Variants in MAN1A2 observed in about 807,000 individuals in gnomAD.
MAN1A2 encodes mannosyl-oligosaccharide 1,2-alpha-mannosidase IB.
A neutral mutation model predicts 75.7 loss-of-function variants in MAN1A2; 26 were observed. That is an observed-to-expected ratio of 0.34 (90% CI 0.25 to 0.48). The LOEUF is 0.48. Among genes scored for constraint, MAN1A2 ranks in the 20% least tolerant of loss-of-function variants. The pLI is 0.99. For missense variants in MAN1A2, 562 were observed against 775.5 expected (o/e 0.72, Z 3.27); for synonymous variants, 247 against 264.6 (o/e 0.93, Z 0.65).
At chr1:117,375,975 G>T (rs1189413382) in intron 1 of MAN1A2, among the ~76,000 whole-genome samples, 1 of 150,194 alleles carries the variant, frequency 6.7e-6, no homozygotes, top group Non-Finnish European at 1.5e-5. Flanking sequence ...GCAGTGGCGC[G>T]ATCTCGGCTC....
At chr1:117,446,944 A>C (rs1649253593) in intron 6 of MAN1A2, among the ~76,000 whole-genome samples, 1 of 152,106 alleles carries the variant, frequency 6.6e-6, no homozygotes, top group Non-Finnish European at 1.5e-5. Context: ...CATTTTGACG[A>C]AGCTTTACTC....
At chr1:117,492,787 A>G (rs948153992) in intron 8 of MAN1A2, among the ~76,000 whole-genome samples, 1 of 152,066 alleles carries the variant, frequency 6.6e-6, no homozygotes, top group African/African-American at 2.4e-5. Flanking sequence ...TTGAGCTTTC[A>G]TATTTAGACA....
At position 117,375,718 on chromosome 1, in the gene MAN1A2, G is replaced by A. The variant is rs61809511; in HGVS notation, c.302+7233G>A. ...TGAAAAATTCAGATCTTAGACTCAC[G>A]TCTTGATATTTTTCTTAAAGCATAT... On this transcript the variant is annotated intron_variant, in intron 1 of 12. Coordinates refer to ENST00000356554, the MANE Select transcript of MAN1A2 (RefSeq NM_006699.5). Among the ~76,000 whole-genome samples, 862 of 152,118 alleles carry A rather than the reference G, an allele frequency of 5.7e-3. 5 individuals are homozygous for A. The highest frequency in any genetic ancestry group is 9.0e-3 in the Non-Finnish European group (610 of 67,978).
At chr1:117,408,909 T>C (rs942999614) in intron 3 of MAN1A2, among the ~76,000 whole-genome samples, 1 of 152,110 alleles carries the variant, frequency 6.6e-6, no homozygotes, top group African/African-American at 2.4e-5. Context: ...TTTATCTAAG[T>C]TATTGATTTT....
chr1:117,460,823 C>T lies in MAN1A2; in HGVS notation c.1074+211C>T, dbSNP rs537859918. 2.6e-5 allele frequency among the ~76,000 whole-genome samples: 4 copies of T among 152,166 alleles called. No individual in the cohort carries two copies. In the East Asian group the frequency reaches 7.7e-4, roughly 29 times the overall value. ...GTATTGTTATTTGAGAAGTTATAACCACTGTTACATTTTTCAAAAATTTCA... is the reference window on the plus strand; with the variant it reads ...GTATTGTTATTTGAGAAGTTATAACTACTGTTACATTTTTCAAAAATTTCA... On this transcript the variant is annotated intron_variant, in intron 7 of 12. Coordinates refer to ENST00000356554, the MANE Select transcript of MAN1A2 (RefSeq NM_006699.5).
chr1:117,374,258 G>T (rs1146299), intron 1 of MAN1A2, among the ~76,000 whole-genome samples: 1 of 152,022 alleles, frequency 6.6e-6, no homozygotes, highest in Non-Finnish European at 1.5e-5. Flanking sequence ...GATTGTGTCC[G>T]TGCATTCCAG....
chr1:117,406,475 CT>C (rs1243530651), intron 3 of MAN1A2, among the ~76,000 whole-genome samples: 1 of 151,924 alleles, frequency 6.6e-6, no homozygotes, highest in Non-Finnish European at 1.5e-5. Flanking sequence ...CAGCAATTTT[CT>C]TTTTGACACT....
At chr1:117,437,926 C>T (rs945348807) in intron 5 of MAN1A2, among the ~76,000 whole-genome samples, 1 of 152,158 alleles carries the variant, frequency 6.6e-6, no homozygotes, top group African/African-American at 2.4e-5. Context: ...ATTTATTCAA[C>T]ACTTGTTGAG....
At position 117,496,847 on chromosome 1, in the gene MAN1A2, A is replaced by G; in HGVS notation, c.1369A>G (p.Met457Val). ...EWKNGHLEKKMGHLACFAGGM... is the reference protein window; with the variant it reads ...EWKNGHLEKKVGHLACFAGGM... ...GAAGAATGGGCACTTGGAAAAAAAG[A>G]TGGGGCATTTGGCCTGCTTTGCTGG... The change falls in exon 10 of 13, where the codon ATG becomes GTG. Residue 457 changes from methionine to valine, a missense_variant. By Grantham distance (21) the Met-to-Val change is conservative (BLOSUM62 1). Around this residue, in one of 2 missense-constraint regions of MAN1A2, gnomAD observed 434 missense variants for 645.7 expected, o/e 0.67. Coordinates refer to ENST00000356554, the MANE Select transcript of MAN1A2 (RefSeq NM_006699.5). The G allele has an allele frequency of 1.9e-6, 3 of 1,612,778 alleles. No homozygotes were observed. Among genetic ancestry groups the G allele is most frequent in the African/African-American group, 1.3e-5 (1 of 74,928 alleles).
chr1:117,457,507 A>C (rs1649641842), intron 6 of MAN1A2, among the ~76,000 whole-genome samples: 1 of 152,072 alleles, frequency 6.6e-6, no homozygotes. Context: ...GATATATGTA[A>C]GTATCAAATT....
chr1:117,389,355 A>T (rs1193202546), intron 1 of MAN1A2, among the ~76,000 whole-genome samples: 1 of 152,106 alleles, frequency 6.6e-6, no homozygotes, highest in Non-Finnish European at 1.5e-5. Context: ...AAACTGTTCC[A>T]CTTCAGATCA....
intron 8 of MAN1A2, among the ~76,000 whole-genome samples, chr1:117,486,542 G>A (rs1402905619): frequency 1.3e-5 from 2 of 151,874 alleles, no homozygotes; most frequent in Non-Finnish European, 2.9e-5. Context: ...TATTCATAGA[G>A]TAAAAATAGG....
chr1:117,381,647 T>C (rs1465180543), intron 1 of MAN1A2, among the ~76,000 whole-genome samples: 20 of 152,300 alleles, frequency 1.3e-4, no homozygotes, highest in East Asian at 9.6e-4. Flanking sequence ...AGTAAACATA[T>C]GTGTGCATGT....
At chr1:117,376,354 T>C (rs773546741) in intron 1 of MAN1A2, among the ~76,000 whole-genome samples, 7 of 152,264 alleles carry the variant, frequency 4.6e-5, no homozygotes, top group Non-Finnish European at 1.0e-4. Flanking sequence ...CCGCTTATTA[T>C]GTAACCATGT....
chr1:117,487,164 G>A (rs1557970875), intron 8 of MAN1A2, among the ~76,000 whole-genome samples: 1 of 151,966 alleles, frequency 6.6e-6, no homozygotes. Context: ...TGACATTTTC[G>A]GATGAAAGGG....
intron 8 of MAN1A2, among the ~76,000 whole-genome samples, chr1:117,477,270 C>T (rs1383978806): frequency 1.3e-5 from 2 of 151,906 alleles, no homozygotes; most frequent in Non-Finnish European, 2.9e-5. Flanking sequence ...GAGGGAAATC[C>T]TCCGTAACTT....
At chr1:117,499,618 C>A in intron 11 of MAN1A2, 64 bp downstream of exon 11, 1 of 1,306,654 alleles carries the variant, frequency 7.7e-7, no homozygotes. Context: ...TATGATGCCA[C>A]ATACCCTCAC....
intron 8 of MAN1A2, among the ~76,000 whole-genome samples, chr1:117,484,602 A>T (rs1055802263): frequency 2.6e-5 from 4 of 152,090 alleles, no homozygotes; most frequent in Middle Eastern, 3.4e-3. Flanking sequence ...TGCTCTTAAC[A>T]CTTGAGTTCA....
In MAN1A2 at chr1:117,377,956, G is replaced by T. The variant is rs867110741; in HGVS notation, c.302+9471G>T. Among the ~76,000 whole-genome samples the T allele has an allele frequency of 3.5e-4, 54 of 152,196 alleles. No individual in the cohort carries two copies. In the Middle Eastern group the frequency reaches 0.01, roughly 29 times the overall value. ...TCTACTAAAAATACAAAAAAAATTA[G>T]CCAGGCGTGGTGGTGGGCACCTGTA... On this transcript the variant is annotated intron_variant, in intron 1 of 12. Transcript: ENST00000356554.
Sources: allele counts gnomAD v4.1 joint callset (sites outside exome capture counted in the v4.1 genomes callset), GRCh38; gene constraint gnomAD v4.1.1; regional missense constraint gnomAD v4.1.1; transcripts MANE v1.5; gene names NCBI Gene and HGNC (gene_info 2026-07-23, HGNC 2026-07-21).